The following BCAS3 variants were observed in gnomAD, a reference collection of about 807,000 sequenced individuals.
BCAS3 encodes the protein BCAS4/BCAS3 fusion.
In BCAS3, 53 loss-of-function variants were observed where a neutral mutation model predicts 116.1. The observed-to-expected ratio is 0.46, with a 90% CI of 0.37 to 0.57. The LOEUF (loss-of-function observed/expected upper bound fraction) is 0.57, where lower values mean the gene tolerates loss of function less well. Ranked by LOEUF, BCAS3 falls within the 20% of genes least tolerant of loss-of-function variation. The probability of loss-of-function intolerance (pLI) is 0.00; values close to 1 mark genes in which losing one functional copy is unlikely to be tolerated. For missense variants in BCAS3, 917 were observed against 1,165.4 expected, an observed-to-expected ratio of 0.79 and a Z score of 3.10; for synonymous variants, 391 against 408.2, an observed-to-expected ratio of 0.96 and a Z score of 0.51.
chr17:61,376,726 G>C lies in BCAS3; in HGVS notation c.2593+8232G>C, dbSNP rs951739538. 6.6e-6 allele frequency among the ~76,000 whole-genome samples: 1 copy of C among 152,216 alleles called. No individual in the cohort carries two copies. Among genetic ancestry groups the C allele is most frequent in the Non-Finnish European group, 1.5e-5 (1 of 68,044 alleles). ...TCTGGGTAATATCTCTGATTGCCCA[G>C]TGCTCCTAAAATTGCACCTGTCTCA... On this transcript the variant is annotated intron_variant, in intron 23 of 23. Transcript: ENST00000407086. The surrounding 1 kb of genome is among the most constrained non-coding windows in gnomAD (Gnocchi z 4.5).
chr17:61,054,602 G>C (rs1450334463), intron 19 of BCAS3, among the ~76,000 whole-genome samples: 3 of 152,178 alleles, frequency 2.0e-5, no homozygotes, highest in Non-Finnish European at 4.4e-5. Flanking sequence ...CTGGGCTCAA[G>C]GCCAGGGTCA....
At chr17:61,383,089 T>G (rs1247301179) in intron 23 of BCAS3, 13 of 152,270 alleles carry the variant, frequency 8.5e-5, no homozygotes, top group Admixed American at 8.5e-4. Flanking sequence ...GTTAGACGGA[T>G]TCCTCCACCA....
chr17:60,683,581 C>G (rs562757896), intron 2 of BCAS3, among the ~76,000 whole-genome samples: 493 of 115,816 alleles, frequency 4.3e-3, no homozygotes, highest in Non-Finnish European at 6.8e-3. Context: ...CCTGTAATCC[C>G]AGTACTTTGG....
chr17:61,150,253 G>A (rs932098392), intron 22 of BCAS3, among the ~76,000 whole-genome samples: 2 of 152,130 alleles, frequency 1.3e-5, no homozygotes, highest in African/African-American at 4.8e-5. Flanking sequence ...TGCAATTACT[G>A]GAGCTCTCAT....
intron 22 of BCAS3, among the ~76,000 whole-genome samples, chr17:61,114,582 A>T (rs2075304192): frequency 6.6e-6 from 1 of 151,804 alleles, no homozygotes; most frequent in South Asian, 2.1e-4. Flanking sequence ...GCTCGAGGAA[A>T]TAAAAGAGGA....
intron 16 of BCAS3, among the ~76,000 whole-genome samples, chr17:61,025,524 T>A (rs546212720): frequency 6.6e-6 from 1 of 152,212 alleles, no homozygotes; most frequent in East Asian, 1.9e-4. Flanking sequence ...AATTATTGTT[T>A]CTGTCTTGTT....
Position 61,322,842 on chromosome 17 carries a change from G to GAGAGAC in BCAS3, c.2426-45480_2426-45479insCAGAGA, listed in dbSNP as rs1568850749. The stretch of plus-strand genomic sequence containing the variant: ...AGAGAGAGAGAGACAGAGAGAGAGA[G>GAGAGAC]AGAGAGAGAGAGACAGAGAGAGAGA... On this transcript the variant is annotated intron_variant, in intron 22 of 23. Transcript: ENST00000407086. 2.3e-3 allele frequency among the ~76,000 whole-genome samples: 336 copies of GAGAGAC among 146,956 alleles called. 4 individuals are homozygous for GAGAGAC. Among genetic ancestry groups the GAGAGAC allele is most frequent in the South Asian group, 6.3e-3 (29 of 4,638 alleles).
At chr17:61,334,294 CA>C (rs1220629035) in intron 22 of BCAS3, among the ~76,000 whole-genome samples, 1 of 152,158 alleles carries the variant, frequency 6.6e-6, no homozygotes, top group Non-Finnish European at 1.5e-5. Flanking sequence ...TGACCTTGGG[CA>C]AGTTATGTAA....
chr17:61,234,840 A>T (rs2082907972), intron 22 of BCAS3, among the ~76,000 whole-genome samples: 1 of 150,206 alleles, frequency 6.7e-6, no homozygotes, highest in South Asian at 2.1e-4. Flanking sequence ...TCAACTTCAC[A>T]TTTCCTCACA....
intron 5 of BCAS3, among the ~76,000 whole-genome samples, chr17:60,715,840 CATGAACT>C (rs2038534936): frequency 6.6e-6 from 1 of 151,692 alleles, no homozygotes. Context: ...TGATTGGTGC[CATGAACT>C]ATGAAGTTAT....
At chr17:60,855,472 TGAGGCAGA>T (rs2053594265) in intron 7 of BCAS3, among the ~76,000 whole-genome samples, 1 of 148,420 alleles carries the variant, frequency 6.7e-6, no homozygotes, top group East Asian at 2.0e-4. Flanking sequence ...TTTTTTTTTT[TGAGGCAGA>T]GTCTTGCTCT....
rs2081302471 is a variant in BCAS3, at chr17:61,208,976, C to A, written c.2425+124412C>A. Among the ~76,000 whole-genome samples the A allele has an allele frequency of 6.6e-6, 1 of 152,018 alleles. No individual in the cohort carries two copies. Among genetic ancestry groups the A allele is most frequent in the South Asian group, 2.1e-4 (1 of 4,826 alleles). On this transcript the variant is annotated intron_variant, in intron 22 of 23. Transcript: ENST00000407086. This position sits in a 1 kb window ranked among gnomAD's most constrained non-coding sequence, Gnocchi z 4.5. ...GCAAAAGACACTCAGAATTATACCT[C>A]TGGTTGGTTCAAAATTGCTTAAATG... is the stretch of plus-strand genomic sequence containing the variant.
chr17:60,724,547 A>C (rs894782226), intron 5 of BCAS3, among the ~76,000 whole-genome samples: 1 of 151,830 alleles, frequency 6.6e-6, no homozygotes, highest in Non-Finnish European at 1.5e-5. Flanking sequence ...CAACACGGTG[A>C]AACCCCGTCT....
intron 22 of BCAS3, among the ~76,000 whole-genome samples, chr17:61,155,494 CAAAAA>C (rs11327492): frequency 1.6e-5 from 2 of 125,418 alleles, no homozygotes; most frequent in Non-Finnish European, 1.7e-5. Context: ...AGAGTGGTAG[CAAAAA>C]AAAAAAAAAA....
At chr17:60,760,451 A>G (rs773561447) in intron 6 of BCAS3, among the ~76,000 whole-genome samples, 1 of 151,204 alleles carries the variant, frequency 6.6e-6, no homozygotes, top group Non-Finnish European at 1.5e-5. Flanking sequence ...TCATTCATGA[A>G]GGATAATTTT....
At chr17:60,707,511 C>T (rs940602592) in intron 4 of BCAS3, among the ~76,000 whole-genome samples, 1 of 152,196 alleles carries the variant, frequency 6.6e-6, no homozygotes, top group Non-Finnish European at 1.5e-5. Context: ...CCAATCTTTA[C>T]ATCATTTATT....
intron 22 of BCAS3, among the ~76,000 whole-genome samples, chr17:61,117,864 ATAT>A (rs1432729948): frequency 1.3e-5 from 2 of 152,116 alleles, no homozygotes; most frequent in African/African-American, 4.8e-5. Context: ...GACAAGTGAT[ATAT>A]TATTATTACC....
At chr17:61,117,479 C>T (rs2075541468) in intron 22 of BCAS3, among the ~76,000 whole-genome samples, 1 of 152,024 alleles carries the variant, frequency 6.6e-6, no homozygotes, top group African/African-American at 2.4e-5. Flanking sequence ...CCTGTAGACC[C>T]AACTACTAGG....
At chr17:60,906,947 G>A (rs550055053) in intron 11 of BCAS3, among the ~76,000 whole-genome samples, 7 of 152,066 alleles carry the variant, frequency 4.6e-5, no homozygotes, top group East Asian at 1.9e-4. Context: ...TACTCTTTCC[G>A]ATGACAGCTT....
Sources: allele counts gnomAD v4.1 joint callset (sites outside exome capture counted in the v4.1 genomes callset), GRCh38; gene constraint gnomAD v4.1.1; non-coding constraint Gnocchi (gnomAD v3.1); transcripts MANE v1.5; gene names NCBI Gene and HGNC (gene_info 2026-07-23, HGNC 2026-07-21).